CELF2: variants seen among roughly 807,000 people sequenced by gnomAD.
CELF2 encodes the protein CUGBP Elav-like family member 2.
CELF2 carries 8 observed loss-of-function variants against 62.6 expected under a neutral mutation model. That is an observed-to-expected ratio of 0.13 (90% CI 0.07 to 0.23). CELF2 has a LOEUF of 0.23. Among genes scored for constraint, CELF2 ranks in the 10% least tolerant of loss-of-function variants. CELF2 has a pLI of 1.00. For synonymous variants in CELF2, 258 were observed against 250.0 expected (o/e 1.03, Z -0.30); for missense variants, 333 against 671.0 (o/e 0.50, Z 5.56).
the CELF2 span, among the ~76,000 whole-genome samples, chr10:10,521,034 T>C: frequency 6.6e-6 from 1 of 152,066 alleles, no homozygotes; most frequent in African/African-American, 2.4e-5. Context: ...AAAATTTCTG[T>C]TGAAGGAGTG....
At chr10:10,529,902 A>T in the CELF2 span, among the ~76,000 whole-genome samples, 1 of 152,184 alleles carries the variant, frequency 6.6e-6, no homozygotes, top group African/African-American at 2.4e-5. Flanking sequence ...GCTGTGGCTT[A>T]GCAAGAATTT....
chr10:10,471,260 C>T, the CELF2 span, among the ~76,000 whole-genome samples: 2 of 151,522 alleles, frequency 1.3e-5, no homozygotes, highest in Non-Finnish European at 3.0e-5. Flanking sequence ...TGGTACTGTC[C>T]TTATGATCCA....
At chr10:11,286,996 A>G (rs7909066) in intron 8 of CELF2, among the ~76,000 whole-genome samples, 41,474 of 152,066 alleles carry the variant, frequency 0.27, 6,424 homozygotes, top group East Asian at 0.64. Context: ...TGAGGAGGCC[A>G]GGGCAGAAGA....
rs552970775 is a variant in CELF2 at position 11,033,382 on chromosome 10, C to T, written c.74+15219C>T. 1.1e-4 allele frequency among the ~76,000 whole-genome samples: 16 copies of T among 152,136 alleles called. No individual in the cohort carries two copies. In the South Asian group the frequency reaches 2.9e-3, roughly 28 times the overall value. On this transcript the variant is annotated intron_variant, in intron 1 of 12. Transcript: ENST00000633077. ...AAGCGATTCTCGTGCCTCAGCTTCCCGAGTACCTGGGATTACAGGCATGCG... is the reference window on the plus strand; with the variant it reads ...AAGCGATTCTCGTGCCTCAGCTTCCTGAGTACCTGGGATTACAGGCATGCG...
At chr10:10,689,162 A>C in the CELF2 span, among the ~76,000 whole-genome samples, 1 of 152,186 alleles carries the variant, frequency 6.6e-6, no homozygotes, top group East Asian at 1.9e-4. Flanking sequence ...AGAGAGGTTT[A>C]ATTGGCTCAC....
the CELF2 span, among the ~76,000 whole-genome samples, chr10:10,777,397 T>C: frequency 2.6e-5 from 4 of 152,206 alleles, no homozygotes; most frequent in African/African-American, 9.7e-5. Flanking sequence ...GTGCTTTCTG[T>C]CTTGAATGAT....
the CELF2 span, among the ~76,000 whole-genome samples, chr10:10,541,174 C>T: frequency 4.3e-5 from 6 of 138,104 alleles, no homozygotes; most frequent in South Asian, 7.4e-4. Flanking sequence ...ACCCGGGAGG[C>T]GGAGCTTGCA....
chr10:11,276,316 G>C lies in CELF2; in HGVS notation c.841+1196G>C, dbSNP rs377332275. On this transcript the variant is annotated intron_variant, in intron 8 of 12. Transcript: ENST00000633077. ...AAAAATACTGCTGAATTCCTCGTTG[G>C]GCTTTAAATCCATTGGCACTGCCAC... Among the ~76,000 whole-genome samples the C allele has an allele frequency of 1.4e-4, 21 of 152,148 alleles. No individual in the cohort carries two copies. The East Asian group carries it at 3.7e-3, about 27-fold the overall frequency.
intron 1 of CELF2, among the ~76,000 whole-genome samples, chr10:11,103,375 G>A (rs1274809921): frequency 2.0e-5 from 3 of 149,810 alleles, no homozygotes; most frequent in Admixed American, 6.6e-5. Context: ...CATTATAGAA[G>A]CTTTTATTTT....
At chr10:10,658,672 A>C in the CELF2 span, among the ~76,000 whole-genome samples, 21 of 152,312 alleles carry the variant, frequency 1.4e-4, no homozygotes, top group African/African-American at 4.8e-4. Flanking sequence ...CATCTTCAGG[A>C]AGTCAAACCT....
the CELF2 span, among the ~76,000 whole-genome samples, chr10:10,774,159 A>G: frequency 4.8e-3 from 734 of 152,312 alleles, 4 homozygotes; most frequent in African/African-American, 0.01. Flanking sequence ...AATATTTATT[A>G]AGCATTCACT....
intron 9 of CELF2, among the ~76,000 whole-genome samples, chr10:11,295,006 G>T (rs551363458): frequency 6.6e-6 from 1 of 152,158 alleles, no homozygotes. Context: ...TCTTATTGCT[G>T]CAGTAGAAAG....
At chr10:10,469,280 C>T in the CELF2 span, among the ~76,000 whole-genome samples, 5 of 152,056 alleles carry the variant, frequency 3.3e-5, no homozygotes, top group Admixed American at 1.3e-4. Context: ...TTCATTCTTT[C>T]CAACTGTATG....
At position 11,227,798 on chromosome 10, in the gene CELF2, G is replaced by A. The variant is rs911242787; in HGVS notation, c.354+10291G>A. Among the ~76,000 whole-genome samples, 8 of 152,160 alleles carry A rather than the reference G, an allele frequency of 5.3e-5. No homozygotes were observed. The highest frequency in any genetic ancestry group is 4.6e-4 in the Admixed American group (7 of 15,280). On this transcript the variant is annotated intron_variant, in intron 3 of 12. Transcript: ENST00000633077. This position sits in a 1 kb window ranked among gnomAD's most constrained non-coding sequence, Gnocchi z 4.8. ...TACAACACTGTCACGCATCAGGGAC[G>A]AGGGTACCGAGTGAGAGCAAAGGAT...
rs56364371 is a variant in CELF2, at chr10:11,032,146, C to CAAAA, written c.74+14005_74+14008dup. ...CTCCCAGCTCCACATAGGGCTTAGC[C>CAAAA]AAAAAAAAAAAAAAAAAAAAAAAAA... On this transcript the variant is annotated intron_variant, in intron 1 of 12. Coordinates refer to ENST00000633077, the MANE Select transcript of CELF2 (RefSeq NM_001326342.2). Among the ~76,000 whole-genome samples, 408 of 86,342 alleles carry CAAAA rather than the reference C, an allele frequency of 4.7e-3. 12 individuals carry two copies. Among genetic ancestry groups the CAAAA allele is most frequent in the Non-Finnish European group, 7.9e-3 (306 of 38,692 alleles). 56.6% of individuals were successfully genotyped at this position (86,342 alleles called of 152,430 possible).
At position 11,334,598 on chromosome 10, in the gene CELF2, A is replaced by G. The variant is rs766763490; in HGVS notation, c.*5545A>G. 9.9e-5 allele frequency: 15 copies of G among 152,248 alleles called. No individual in the cohort carries two copies. The highest frequency in any genetic ancestry group is 2.2e-4 in the Non-Finnish European group (15 of 68,042). The allele number at this position is 152,248 out of a possible 1,614,324, so 9.4% of individuals were successfully genotyped here. On this transcript the variant is annotated 3_prime_UTR_variant, in exon 13 of 13. Coordinates refer to ENST00000633077, the MANE Select transcript of CELF2 (RefSeq NM_001326342.2). ...CAAGATTTATACACTTTTTTCCTAC[A>G]GTTCACCTCAGTAACTGCCTTTGGG...
At chr10:10,723,463 C>G in the CELF2 span, among the ~76,000 whole-genome samples, 1 of 152,196 alleles carries the variant, frequency 6.6e-6, no homozygotes, top group Non-Finnish European at 1.5e-5. Context: ...AATGTATCTT[C>G]AATTCTTAGT....
chr10:11,287,905 A>G (rs985161370), intron 8 of CELF2, among the ~76,000 whole-genome samples: 1 of 152,246 alleles, frequency 6.6e-6, no homozygotes, highest in African/African-American at 2.4e-5. Flanking sequence ...ATACCAGTTC[A>G]GCTTCCAGTA....
chr10:10,693,881 G>A, the CELF2 span, among the ~76,000 whole-genome samples: 27 of 151,868 alleles, frequency 1.8e-4, 1 homozygote, highest in South Asian at 1.9e-3. Flanking sequence ...TTTTTATTGC[G>A]TCTATTTCAT....
Sources: gnomAD v4.1 joint callset for allele counts (sites outside exome capture counted in the v4.1 genomes callset) on GRCh38, gnomAD v4.1.1 for gene constraint, Gnocchi (gnomAD v3.1) non-coding constraint, MANE v1.5 for transcripts, NCBI Gene and HGNC (gene_info 2026-07-23, HGNC 2026-07-21) for gene names.